Variants in PTPRD observed in about 807,000 individuals in gnomAD.
PTPRD encodes receptor-type tyrosine-protein phosphatase delta.
In PTPRD, 34 loss-of-function variants were observed where a neutral mutation model predicts 214.5. The ratio of observed to expected loss-of-function variants is 0.16; its 90% CI spans 0.12 to 0.21. PTPRD has a LOEUF of 0.21. PTPRD is among the 10% of genes least tolerant of loss of function. The pLI is 1.00. For missense variants in PTPRD, 2,545 were observed against 2,398.7 expected, an observed-to-expected ratio of 1.06 and a Z score of -1.27; for synonymous variants, 1,128 against 845.7, an observed-to-expected ratio of 1.33 and a Z score of -5.79.
At chr9:8,760,648 A>G (rs2094356423) in intron 11 of PTPRD, among the ~76,000 whole-genome samples, 1 of 151,008 alleles carries the variant, frequency 6.6e-6, no homozygotes, top group Admixed American at 6.6e-5. Context: ...GGATGTATGC[A>G]TGTTTTATGG....
intron 11 of PTPRD, among the ~76,000 whole-genome samples, chr9:8,978,314 T>C (rs2099279668): frequency 6.6e-6 from 1 of 152,112 alleles, no homozygotes; most frequent in South Asian, 2.1e-4. Flanking sequence ...TGGTTGTTAC[T>C]GTGTAAGTCC....
At chr9:10,295,838 G>T (rs1272744999) in intron 3 of PTPRD, among the ~76,000 whole-genome samples, 1 of 152,042 alleles carries the variant, frequency 6.6e-6, no homozygotes, top group Non-Finnish European at 1.5e-5. Context: ...TGTGGCAGAA[G>T]AAGTCAAATT....
intron 3 of PTPRD, among the ~76,000 whole-genome samples, chr9:10,220,314 G>A (rs2099564312): frequency 6.6e-6 from 1 of 151,784 alleles, no homozygotes; most frequent in Admixed American, 6.6e-5. Flanking sequence ...AATTATACGA[G>A]CTTTCACTGC....
chr9:9,311,600 G>A (rs575887165), intron 9 of PTPRD, among the ~76,000 whole-genome samples: 1 of 152,188 alleles, frequency 6.6e-6, no homozygotes, highest in Non-Finnish European at 1.5e-5. Flanking sequence ...AATTTAGAAG[G>A]ATGCTTTCTT....
chr9:9,941,260 T>A (rs995361550), intron 4 of PTPRD, among the ~76,000 whole-genome samples: 2 of 152,164 alleles, frequency 1.3e-5, no homozygotes, highest in African/African-American at 4.8e-5. Context: ...CTGACAGATT[T>A]GTATGCTCAA....
intron 3 of PTPRD, among the ~76,000 whole-genome samples, chr9:10,164,674 GATTT>G (rs1271509914): frequency 5.3e-5 from 8 of 151,464 alleles, no homozygotes; most frequent in African/African-American, 1.7e-4. Context: ...AAATATCAAA[GATTT>G]ATTTGAAAGT....
At chr9:10,352,334 A>T (rs1319276008) in intron 2 of PTPRD, among the ~76,000 whole-genome samples, 1 of 152,026 alleles carries the variant, frequency 6.6e-6, no homozygotes, top group Admixed American at 6.6e-5. Flanking sequence ...ACTCAATATT[A>T]GTACATCACT....
chr9:10,275,158 C>T (rs1325220734), intron 3 of PTPRD, among the ~76,000 whole-genome samples: 1 of 152,082 alleles, frequency 6.6e-6, no homozygotes. Flanking sequence ...TTATAGATTC[C>T]CAAATTACAG....
chr9:10,249,936 G>T (rs918419601), intron 3 of PTPRD, among the ~76,000 whole-genome samples: 1 of 151,986 alleles, frequency 6.6e-6, no homozygotes, highest in African/African-American at 2.4e-5. Context: ...AACACAATTA[G>T]AGACACATGC....
At chr9:8,554,061 G>T (rs1230029424) in intron 14 of PTPRD, among the ~76,000 whole-genome samples, 3 of 152,046 alleles carry the variant, frequency 2.0e-5, no homozygotes, top group African/African-American at 7.2e-5. Context: ...GGTATTGCAC[G>T]CCTGTAATCC....
intron 9 of PTPRD, among the ~76,000 whole-genome samples, chr9:9,330,253 C>A (rs939566811): frequency 6.6e-6 from 1 of 152,058 alleles, no homozygotes; most frequent in African/African-American, 2.4e-5. Flanking sequence ...TCCCACACCA[C>A]TGGCTTAATG....
At chr9:9,229,582 T>G (rs1002521827) in intron 9 of PTPRD, among the ~76,000 whole-genome samples, 6 of 152,266 alleles carry the variant, frequency 3.9e-5, no homozygotes, top group South Asian at 2.1e-4. Flanking sequence ...CTTTGACTAT[T>G]CAAATGGCTG....
chr9:9,930,375 A>C (rs1406457970), intron 5 of PTPRD, among the ~76,000 whole-genome samples: 2 of 152,240 alleles, frequency 1.3e-5, no homozygotes, highest in African/African-American at 4.8e-5. Flanking sequence ...TGGGGAAGAC[A>C]AGAACAGAGA....
At chr9:9,182,617 G>C (rs1371180350) in intron 10 of PTPRD, among the ~76,000 whole-genome samples, 2 of 151,802 alleles carry the variant, frequency 1.3e-5, no homozygotes, top group East Asian at 1.9e-4. Context: ...AACTGCAATG[G>C]GTGAGGAAAA....
chr9:9,433,912 G>C (rs1230958710), intron 8 of PTPRD, among the ~76,000 whole-genome samples: 2 of 152,086 alleles, frequency 1.3e-5, no homozygotes, highest in Non-Finnish European at 2.9e-5. Context: ...CTGAGGGTTT[G>C]GCCACTTTTT....
chr9:9,810,203 T>C (rs548292714), intron 5 of PTPRD, among the ~76,000 whole-genome samples: 1 of 152,160 alleles, frequency 6.6e-6, no homozygotes, highest in East Asian at 1.9e-4. Context: ...TTATTTTGTT[T>C]AGGTTACTTT....
intron 8 of PTPRD, among the ~76,000 whole-genome samples, chr9:9,478,511 G>C (rs1270773324): frequency 6.6e-6 from 1 of 152,108 alleles, no homozygotes; most frequent in African/African-American, 2.4e-5. Context: ...GAAAAATAGT[G>C]AGGATGAAAG....
chr9:9,572,563 A>ATATATATATATATATGTGTATATATATG (rs1563775017), intron 8 of PTPRD, among the ~76,000 whole-genome samples: 1 of 49,808 alleles, frequency 2.0e-5, no homozygotes, highest in African/African-American at 8.4e-5. Context: ...ATATATATGT[A>ATATATATATATATATGTGTATATATATG]TATATATATA....
At chr9:10,312,720 A>T (rs2154418981) in intron 3 of PTPRD, among the ~76,000 whole-genome samples, 1 of 152,088 alleles carries the variant, frequency 6.6e-6, no homozygotes, top group East Asian at 1.9e-4. Context: ...TAAGACAATA[A>T]AAATGATGCT....
Sources: gnomAD v4.1 joint callset for allele counts (sites outside exome capture counted in the v4.1 genomes callset) on GRCh38, gnomAD v4.1.1 for gene constraint, MANE v1.5 for transcripts, NCBI Gene and HGNC (gene_info 2026-07-23, HGNC 2026-07-21) for gene names.